NOC2L: variants seen among roughly 807,000 people sequenced by gnomAD.
NOC2L encodes the protein NOC2 like nucleolar associated transcriptional repressor.
NOC2L carries 101 observed loss-of-function variants against 94.2 expected under a neutral mutation model. That is an observed-to-expected ratio of 1.07 (90% CI 0.91 to 1.26). The LOEUF (loss-of-function observed/expected upper bound fraction) is 1.26. NOC2L is among the 50% of genes most tolerant of loss of function. The probability of loss-of-function intolerance (pLI) is 0.00; values close to 1 mark genes in which losing one functional copy is unlikely to be tolerated. For synonymous variants in NOC2L, 531 were observed against 413.4 expected (o/e 1.28, Z -3.45); for missense variants, 1,076 against 980.1 (o/e 1.10, Z -1.31).
intron 6 of NOC2L, chr1:954,286 C>T (rs1216396316): frequency 1.8e-6 from 1 of 544,594 alleles, no homozygotes; most frequent in South Asian, 2.6e-5. Context: ...ATTAGCTCCT[C>T]CTTCAGTGGC....
rs555929025 is a variant in NOC2L, at chr1:951,293, C to T, written c.1332-55G>A. On this transcript the variant is annotated intron_variant, in intron 11 of 18. Coordinates refer to ENST00000327044, the MANE Select transcript of NOC2L (RefSeq NM_015658.4). The stretch of plus-strand genomic sequence containing the variant: ...GCCCCGGCTCTGGCAGCCCCTGCCC[C>T]TCCCCCTGCTGTCTTGGACCTCCTC... 14 of 1,334,698 alleles carry T rather than the reference C, an allele frequency of 1.0e-5. No homozygotes were observed. In the African/African-American group the frequency reaches 1.7e-4, roughly 17 times the overall value. 82.7% of individuals were successfully genotyped at this position (1,334,698 alleles called of 1,614,324 possible). A position where few individuals can be genotyped will look rare whatever the true frequency, so the allele number is the denominator to read the frequency against.
chr1:952,678 C>T, intron 9 of NOC2L, 78 bp from the exon 10 acceptor site: 1 of 1,415,074 alleles, frequency 7.1e-7, no homozygotes, highest in Non-Finnish European at 1.0e-6. Context: ...CCCCTGTGAA[C>T]ACCTGGGCCT....
At chr1:946,994 T>G (rs538462237) in intron 14 of NOC2L, 1 of 171,900 alleles carries the variant, frequency 5.8e-6, no homozygotes, top group African/African-American at 2.4e-5. Flanking sequence ...GAGATGGAGA[T>G]TGCAGTGAGC....
rs543607370 is a variant in NOC2L, at chr1:948,200, G to C, written c.1590C>G (p.Thr530=). 77 of 1,589,144 alleles carry C rather than the reference G, an allele frequency of 4.8e-5. 1 individual carries two copies. The East Asian group carries it at 1.7e-3, about 36-fold the overall frequency. Residue 530 remains threonine (T), a synonymous_variant, in exon 14 of 19, where the codon ACC becomes ACG. Coordinates refer to ENST00000327044, the MANE Select transcript of NOC2L (RefSeq NM_015658.4). ...GTGCCTGGCTGTGCAGGTACTCCAG[G>C]GTGAGGTCGTACAGCTGCTCCACCA... The part of the protein sequence containing the change: ...DGLVEQLYDL[T]LEYLHSQAHC...
At position 953,657 on chromosome 1, in the gene NOC2L, T is replaced by G; in HGVS notation, c.888+125A>C. The G allele has an allele frequency of 4.1e-6, 3 of 737,202 alleles. No individual in the cohort carries two copies. The East Asian group carries it at 8.0e-5, about 20-fold the overall frequency. 45.7% of individuals were successfully genotyped at this position (737,202 alleles called of 1,614,324 possible). A position where few individuals can be genotyped will look rare whatever the true frequency, so the allele number is the denominator to read the frequency against. On this transcript the variant is annotated intron_variant, in intron 8 of 18. Coordinates refer to ENST00000327044, the MANE Select transcript of NOC2L (RefSeq NM_015658.4). The stretch of plus-strand genomic sequence containing the variant: ...GGGCCAGGTGCTTCTGTGGCCTCTC[T>G]AGCCAAGCGGAGCCAGTGGAGTGTG...
At chr1:948,458 G>T in intron 13 of NOC2L, 32 bp downstream of exon 13, 2 of 1,521,074 alleles carry the variant, frequency 1.3e-6, no homozygotes, top group Non-Finnish European at 1.8e-6. Flanking sequence ...CCTGGGAACT[G>T]CCCAGGCCCC....
chr1:949,663 T>C (rs74045015), intron 12 of NOC2L, among the ~76,000 whole-genome samples: 2,399 of 152,070 alleles, frequency 0.016, 52 homozygotes, highest in African/African-American at 0.054. Context: ...GCCAAGGAGA[T>C]TGGACAAGGG....
chr1:946,031 C>CT (rs1642098252), intron 16 of NOC2L, 142 bp downstream of exon 16: 1 of 664,094 alleles, frequency 1.5e-6, no homozygotes. Context: ...CACCTACCCC[C>CT]TCTCCAAGTC....
intron 14 of NOC2L, among the ~76,000 whole-genome samples, 154 bp downstream of exon 14, chr1:947,973 CCCCT>C (rs1642162155): frequency 6.6e-6 from 1 of 152,212 alleles, no homozygotes; most frequent in Non-Finnish European, 1.5e-5. Flanking sequence ...CCCTCATCAG[CCCCT>C]CCAAGGGGGC....
At chr1:950,320 CACAT>C (rs1241274869) in intron 12 of NOC2L, among the ~76,000 whole-genome samples, 1 of 152,056 alleles carries the variant, frequency 6.6e-6, no homozygotes, top group Non-Finnish European at 1.5e-5. Flanking sequence ...CACGCAGACA[CACAT>C]GCATGCACAC....
At chr1:954,337 C>T (rs1314903689) in intron 6 of NOC2L, 4 of 470,320 alleles carry the variant, frequency 8.5e-6, no homozygotes, top group Middle Eastern at 5.3e-4. Flanking sequence ...GGCCACCGCC[C>T]TAAGAGTCCC....
At position 945,564 on chromosome 1, in the gene NOC2L, G is replaced by A. The variant is rs112433394; in HGVS notation, c.2007C>T (p.Asp669=). Residue 669 remains aspartate, a synonymous_variant, in exon 17 of 19, where the codon GAC becomes GAT. Coordinates refer to ENST00000327044, the MANE Select transcript of NOC2L (RefSeq NM_015658.4). ...TGTCGTCCTCTTCAGAGCTGTTCAG[G>A]TCAAAGAGGTCTTTAAATTGCTTCC... ...EDRKQFKDLF[D]LNSSEEDDTE... 466 of 1,614,074 alleles carry A rather than the reference G, an allele frequency of 2.9e-4. 1 individual carries two copies. The African/African-American group carries it at 5.6e-3, about 19-fold the overall frequency.
At chr1:945,422 C>A (rs920367696) in intron 17 of NOC2L, 96 bp downstream of exon 17, 1 of 1,448,520 alleles carries the variant, frequency 6.9e-7, no homozygotes, top group Admixed American at 2.0e-5. Context: ...TGGTGAGCCC[C>A]CTGCAGGATG....
rs780069377 is a variant in NOC2L, at chr1:957,121, T to A, written c.332A>T (p.His111Leu). Reference sequence around the variant, plus strand: ...CACCTCCAGCACATCTGGCAGGGAGTGGAACGGCCCCTCTTCCTCCTCAGA... The same window carrying A: ...CACCTCCAGCACATCTGGCAGGGAGAGGAACGGCCCCTCTTCCTCCTCAGA... ...DSSEEEEGPFHSLPDVLEEAS... is the reference protein window; with the variant it reads ...DSSEEEEGPFLSLPDVLEEAS... The change falls in exon 3 of 19, where the codon CAC becomes CTC. Residue 111 changes from histidine (H) to leucine (L), a missense_variant. This residue lies in a region of NOC2L where 457 missense variants were observed against 386.0 expected (regional missense o/e 1.18). Transcript: ENST00000327044. 1 of 1,613,922 alleles carries A rather than the reference T, an allele frequency of 6.2e-7. No homozygotes were observed. The highest frequency in any genetic ancestry group is 8.5e-7 in the Non-Finnish European group (1 of 1,180,012).
At chr1:944,922 G>T in intron 18 of NOC2L, 122 bp from the exon 19 acceptor site, 2 of 1,453,600 alleles carry the variant, frequency 1.4e-6, no homozygotes, top group Non-Finnish European at 1.9e-6. Flanking sequence ...GGCTGCCAGA[G>T]AACAGAGCAT....
chr1:958,692 G>T (rs1039816918), intron 2 of NOC2L: 11 of 691,124 alleles, frequency 1.6e-5, no homozygotes, highest in Non-Finnish European at 2.9e-5. Flanking sequence ...AGTTCTCCTA[G>T]ATCGGGAAGA....
In NOC2L at chr1:956,498, T is replaced by C. The variant is rs182722658; in HGVS notation, c.487-283A>G. Among the ~76,000 whole-genome samples the C allele has an allele frequency of 1.4e-4, 22 of 152,136 alleles. No individual in the cohort carries two copies. The East Asian group carries it at 3.7e-3, about 25-fold the overall frequency. The stretch of plus-strand genomic sequence containing the variant: ...GTGGTATCTGGAGCTCTCCGTATCC[T>C]TGTCCCTGGAAAAAAACACTGTGAG... On this transcript the variant is annotated intron_variant, in intron 4 of 18. Coordinates refer to ENST00000327044, the MANE Select transcript of NOC2L (RefSeq NM_015658.4).
chr1:959,249 C>A lies in NOC2L; in HGVS notation c.-9G>T. ...CTCCCCGCAGCTGCCATGACACCAA[C>A]CCGAAGCGTGCACCCCACTTCCGGC... On this transcript the variant is annotated 5_prime_UTR_variant, in exon 1 of 19. Transcript: ENST00000327044. The A allele has an allele frequency of 1.2e-6, 2 of 1,604,188 alleles. No homozygotes were observed. Among genetic ancestry groups the A allele is most frequent in the Non-Finnish European group, 1.7e-6 (2 of 1,176,144 alleles).
At chr1:946,584 G>T (rs138870888) in intron 14 of NOC2L, 39 bp from the exon 15 acceptor site, 2 of 1,597,436 alleles carry the variant, frequency 1.3e-6, no homozygotes. Flanking sequence ...GCCCAGGACC[G>T]CTCCATGTGC....
Sources: gnomAD v4.1 joint callset for allele counts (sites outside exome capture counted in the v4.1 genomes callset) on GRCh38, gnomAD v4.1.1 for gene constraint, gnomAD v4.1.1 regional missense constraint, MANE v1.5 for transcripts, NCBI Gene and HGNC (gene_info 2026-07-23, HGNC 2026-07-21) for gene names.